The following KCND2 variants were observed in gnomAD, a reference collection of about 807,000 sequenced individuals.
The protein encoded by KCND2 is potassium voltage-gated channel subfamily D member 2, also known as A-type voltage-gated potassium channel KCND2.
In KCND2, 16 loss-of-function variants were observed where a neutral mutation model predicts 54.4. That is an observed-to-expected ratio of 0.29 (90% CI 0.20 to 0.45). The LOEUF (loss-of-function observed/expected upper bound fraction) is 0.45. Ranked by LOEUF, KCND2 falls within the 20% of genes least tolerant of loss-of-function variation. The probability of loss-of-function intolerance (pLI) is 1.00; values close to 1 mark genes in which losing one functional copy is unlikely to be tolerated. For missense variants in KCND2, 486 were observed against 824.2 expected, an observed-to-expected ratio of 0.59 and a Z score of 5.02; for synonymous variants, 317 against 310.7, an observed-to-expected ratio of 1.02 and a Z score of -0.21.
In KCND2 at chr7:120,683,140, C is replaced by CT. The variant is rs77276847; in HGVS notation, c.1116-49757dup. ...CTCATGAAACACTGGTTGAATACTA[C>CT]TTTTTTCTGAGCAAAGTTTCGTATC... On this transcript the variant is annotated intron_variant, in intron 1 of 5. Transcript: ENST00000331113. 6.7e-3 allele frequency among the ~76,000 whole-genome samples: 1,019 copies of CT among 152,250 alleles called. 50 individuals are homozygous for CT. The East Asian group carries it at 0.13, about 20-fold the overall frequency.
At chr7:120,343,456 G>A (rs548514384) in intron 1 of KCND2, among the ~76,000 whole-genome samples, 1 of 152,256 alleles carries the variant, frequency 6.6e-6, no homozygotes, top group South Asian at 2.1e-4. Context: ...CATCAATGTG[G>A]TTTGTCACAA....
chr7:120,474,374 G>C (rs748633616), intron 1 of KCND2, among the ~76,000 whole-genome samples: 1 of 152,082 alleles, frequency 6.6e-6, no homozygotes, highest in Non-Finnish European at 1.5e-5. Context: ...TTTTGCTCTT[G>C]TGGCCCAGGC....
intron 1 of KCND2, among the ~76,000 whole-genome samples, chr7:120,329,451 C>G (rs1418507249): frequency 6.6e-6 from 1 of 151,990 alleles, no homozygotes; most frequent in East Asian, 1.9e-4. Flanking sequence ...ATGAATTTTC[C>G]TTGCCACCTG....
intron 1 of KCND2, among the ~76,000 whole-genome samples, chr7:120,449,378 T>A (rs1342241892): frequency 6.6e-6 from 1 of 151,858 alleles, no homozygotes; most frequent in African/African-American, 2.4e-5. Flanking sequence ...CATCTTCAGA[T>A]AACCCCATAC....
At chr7:120,476,447 A>T (rs1279310965) in intron 1 of KCND2, among the ~76,000 whole-genome samples, 2 of 152,232 alleles carry the variant, frequency 1.3e-5, no homozygotes, top group East Asian at 3.9e-4. Context: ...TTTCAAATAC[A>T]TGTCAATTAA....
chr7:120,413,678 A>G (rs566216351), intron 1 of KCND2, among the ~76,000 whole-genome samples: 68 of 152,202 alleles, frequency 4.5e-4, no homozygotes, highest in African/African-American at 1.6e-3. Flanking sequence ...ATTGTACTAC[A>G]GTTTATAAAA....
chr7:120,434,242 A>C (rs1204251156), intron 1 of KCND2, among the ~76,000 whole-genome samples: 1 of 152,232 alleles, frequency 6.6e-6, no homozygotes, highest in South Asian at 2.1e-4. Context: ...TTCCTAAGAC[A>C]GTTTGAGTAA....
intron 1 of KCND2, among the ~76,000 whole-genome samples, chr7:120,696,918 A>G (rs577218171): frequency 1.1e-4 from 16 of 152,368 alleles, no homozygotes; most frequent in South Asian, 8.3e-4. Flanking sequence ...AACAGTCAGT[A>G]AATAAAATGC....
At chr7:120,356,865 T>C (rs1371021384) in intron 1 of KCND2, among the ~76,000 whole-genome samples, 2 of 152,160 alleles carry the variant, frequency 1.3e-5, no homozygotes, top group African/African-American at 2.4e-5. Flanking sequence ...AGTCTTTCTC[T>C]CTCTTGTCTT....
At chr7:120,512,570 G>A (rs776501420) in intron 1 of KCND2, among the ~76,000 whole-genome samples, 4 of 152,032 alleles carry the variant, frequency 2.6e-5, no homozygotes, top group African/African-American at 4.8e-5. Context: ...GCACTAATAA[G>A]TCATTAGTCT....
chr7:120,587,822 T>G (rs1307276372), intron 1 of KCND2, among the ~76,000 whole-genome samples: 1 of 152,190 alleles, frequency 6.6e-6, no homozygotes, highest in Non-Finnish European at 1.5e-5. Context: ...GCTTTAATTT[T>G]TAGTGTTTCA....
intron 1 of KCND2, among the ~76,000 whole-genome samples, chr7:120,576,522 A>AT (rs67002970): frequency 0.68 from 103,797 of 152,008 alleles, 38,229 homozygotes; most frequent in Middle Eastern, 0.88. Flanking sequence ...GAGCATGAAA[A>AT]TTTTTAAAGT....
Position 120,590,328 on chromosome 7 carries a change from T to G in KCND2, c.1116-142575T>G, listed in dbSNP as rs140213607. Among the ~76,000 whole-genome samples the G allele has an allele frequency of 4.4e-3, 676 of 152,234 alleles. 6 individuals are homozygous for G. The highest frequency in any genetic ancestry group is 0.015 in the African/African-American group (639 of 41,544). ...CACTGTGCCTGGCTAGGGCTCTTAA[T>G]TTCACCTACTTCACAGTGGTTTGCA... On this transcript the variant is annotated intron_variant, in intron 1 of 5. Coordinates refer to ENST00000331113, the MANE Select transcript of KCND2 (RefSeq NM_012281.3).
chr7:120,281,057 A>G (rs891838353), intron 1 of KCND2, among the ~76,000 whole-genome samples: 1 of 152,120 alleles, frequency 6.6e-6, no homozygotes, highest in African/African-American at 2.4e-5. Flanking sequence ...TTGGCGGCAA[A>G]CTACTCAATG....
intron 1 of KCND2, among the ~76,000 whole-genome samples, chr7:120,726,818 G>A (rs66525734): frequency 0.28 from 42,162 of 152,074 alleles, 6,321 homozygotes; most frequent in East Asian, 0.44. Flanking sequence ...CTGTGCACCT[G>A]CACAGGATCT....
intron 1 of KCND2, among the ~76,000 whole-genome samples, chr7:120,580,085 C>G (rs908791282): frequency 6.6e-6 from 1 of 152,174 alleles, no homozygotes; most frequent in African/African-American, 2.4e-5. Flanking sequence ...AGTCTCTGTC[C>G]CATCGCTCAC....
At position 120,316,897 on chromosome 7, in the gene KCND2, G is replaced by T. The variant is rs1044550636; in HGVS notation, c.1115+41150G>T. ...CATCACCAGGCTGGAGTGTAGTGGT[G>T]CAATCTCAGCTCACAGCAACCTCTG... is the stretch of plus-strand genomic sequence containing the variant. On this transcript the variant is annotated intron_variant, in intron 1 of 5. Coordinates refer to ENST00000331113, the MANE Select transcript of KCND2 (RefSeq NM_012281.3). Among the ~76,000 whole-genome samples, 9 of 151,562 alleles carry T rather than the reference G, an allele frequency of 5.9e-5. No individual in the cohort carries two copies. In the South Asian group the frequency reaches 1.9e-3, roughly 32 times the overall value.
chr7:120,315,981 T>G (rs1331199513), intron 1 of KCND2, among the ~76,000 whole-genome samples: 1 of 151,982 alleles, frequency 6.6e-6, no homozygotes. Flanking sequence ...CATTGAAACA[T>G]AAAGAAGGAA....
At chr7:120,726,833 A>G (rs929468608) in intron 1 of KCND2, among the ~76,000 whole-genome samples, 4 of 152,202 alleles carry the variant, frequency 2.6e-5, no homozygotes, top group African/African-American at 9.6e-5. Flanking sequence ...GGATCTGTTC[A>G]TTCATTCTAT....
Sources: allele counts gnomAD v4.1 joint callset (sites outside exome capture counted in the v4.1 genomes callset), GRCh38; gene constraint gnomAD v4.1.1; transcripts MANE v1.5; gene names NCBI Gene and HGNC (gene_info 2026-07-23, HGNC 2026-07-21).